The following AKAP7 variants were observed in gnomAD, a reference collection of about 807,000 sequenced individuals.
AKAP7 encodes the protein A-kinase anchoring protein 7, also known as A kinase (PRKA) anchor protein 7.
A neutral mutation model predicts 39.5 loss-of-function variants in AKAP7; 39 were observed. That is an observed-to-expected ratio of 0.99 (90% CI 0.76 to 1.29). The LOEUF is 1.29. Among genes scored for constraint, AKAP7 ranks in the 50% most tolerant of loss-of-function variants. AKAP7 has a pLI of 0.00. For synonymous variants in AKAP7, 140 were observed against 139.1 expected (o/e 1.01, Z -0.05); for missense variants, 414 against 407.7 (o/e 1.02, Z -0.13).
chr6:131,179,891 AT>A (rs1318713884), intron 5 of AKAP7, among the ~76,000 whole-genome samples: 1 of 151,630 alleles, frequency 6.6e-6, no homozygotes, highest in Non-Finnish European at 1.5e-5. Flanking sequence ...AAATAAATAA[AT>A]AAATAATAAA....
intron 7 of AKAP7, among the ~76,000 whole-genome samples, chr6:131,269,119 G>A (rs781114421): frequency 3.3e-5 from 5 of 152,048 alleles, no homozygotes; most frequent in African/African-American, 1.2e-4. Flanking sequence ...CTGGAGTATC[G>A]TGGCCTGATC....
At chr6:131,180,819 T>A (rs1020442554) in intron 5 of AKAP7, among the ~76,000 whole-genome samples, 1 of 131,758 alleles carries the variant, frequency 7.6e-6, no homozygotes, top group Non-Finnish European at 1.6e-5. Flanking sequence ...ACCACTTTCT[T>A]TTTTTGTTTG....
intron 7 of AKAP7, among the ~76,000 whole-genome samples, chr6:131,253,937 C>T (rs1027003208): frequency 2.0e-5 from 3 of 152,002 alleles, no homozygotes; most frequent in Admixed American, 1.3e-4. Flanking sequence ...CAGTAAACAT[C>T]GGGGTGCAGG....
intron 2 of AKAP7, among the ~76,000 whole-genome samples, chr6:131,153,406 A>G (rs637024): frequency 0.29 from 44,853 of 152,134 alleles, 7,469 homozygotes; most frequent in African/African-American, 0.43. Flanking sequence ...ATAAATTTAG[A>G]CAAACCATGT....
chr6:131,241,637 A>ATATATATATATATGTGTGTGTGTGTG (rs1554217972), intron 7 of AKAP7, among the ~76,000 whole-genome samples: 3 of 78,776 alleles, frequency 3.8e-5, no homozygotes, highest in Non-Finnish European at 6.1e-5. Context: ...GTATATATAT[A>ATATATATATATATGTGTGTGTGTGTG]TGACAGTTAT....
intron 6 of AKAP7, among the ~76,000 whole-genome samples, chr6:131,218,711 T>C (rs112909512): frequency 0.023 from 3,561 of 152,270 alleles, 77 homozygotes; most frequent in Middle Eastern, 0.041. Flanking sequence ...ACCAAGGGCA[T>C]CCCACTGTAA....
upstream of AKAP7, among the ~76,000 whole-genome samples, chr6:131,131,773 T>C (rs1202249852): frequency 6.6e-6 from 1 of 152,178 alleles, no homozygotes; most frequent in African/African-American, 2.4e-5. Flanking sequence ...CAGGGACTGT[T>C]CCCCAAAGGA....
chr6:131,238,208 G>T (rs1350799487), intron 7 of AKAP7, among the ~76,000 whole-genome samples: 1 of 152,158 alleles, frequency 6.6e-6, no homozygotes, highest in African/African-American at 2.4e-5. Flanking sequence ...CCATGTGGTT[G>T]AACGGTTTTG....
At chr6:131,206,936 C>T (rs1412285180) in intron 6 of AKAP7, among the ~76,000 whole-genome samples, 2 of 152,126 alleles carry the variant, frequency 1.3e-5, no homozygotes, top group African/African-American at 4.8e-5. Flanking sequence ...TAAGACTATT[C>T]CTTCTTAAAG....
chr6:131,172,992 G>T (rs1474349566), intron 5 of AKAP7, among the ~76,000 whole-genome samples: 1 of 151,824 alleles, frequency 6.6e-6, no homozygotes, highest in Non-Finnish European at 1.5e-5. Context: ...GTCAGGAGTG[G>T]CCAGTACTGG....
intron 7 of AKAP7, among the ~76,000 whole-genome samples, chr6:131,262,310 G>C (rs1298873937): frequency 6.6e-6 from 1 of 152,148 alleles, no homozygotes; most frequent in African/African-American, 2.4e-5. Context: ...AGATCCAGCG[G>C]GCAAAGGAGA....
intron 6 of AKAP7, among the ~76,000 whole-genome samples, chr6:131,208,310 C>T (rs577213821): frequency 6.6e-6 from 1 of 152,176 alleles, no homozygotes; most frequent in South Asian, 2.1e-4. Flanking sequence ...AAAGGTAAAC[C>T]TGCTTAACAT....
intron 5 of AKAP7, among the ~76,000 whole-genome samples, chr6:131,191,816 A>C (rs926512706): frequency 3.3e-5 from 5 of 149,852 alleles, no homozygotes; most frequent in African/African-American, 1.2e-4. Context: ...ATGGCCTTTC[A>C]GCCTGCCTGG....
Position 131,160,049 on chromosome 6 carries a change from T to C in AKAP7, c.152-10T>C, listed in dbSNP as rs1245002535. On this transcript the variant is annotated splice_polypyrimidine_tract_variant and intron_variant, in intron 2 of 7. Transcript: ENST00000431975. ...TGTATTAGACGTATTGTTTGACTTT[T>C]TTCCTCTAGTCACTGATGAACCTCA... 1 of 1,571,404 alleles carries C rather than the reference T, an allele frequency of 6.4e-7. No homozygotes were observed. The highest frequency in any genetic ancestry group is 2.3e-5 in the East Asian group (1 of 44,286).
At chr6:131,224,755 T>G in intron 7 of AKAP7, among the ~76,000 whole-genome samples, 1 of 140,274 alleles carries the variant, frequency 7.1e-6, no homozygotes, top group Non-Finnish European at 1.5e-5. Context: ...TTTTTTTTTT[T>G]TTTTGAGACA....
chr6:131,183,641 C>T (rs553204466), intron 5 of AKAP7, among the ~76,000 whole-genome samples: 3 of 152,128 alleles, frequency 2.0e-5, no homozygotes, highest in Admixed American at 6.5e-5. Flanking sequence ...CACTGGAGCC[C>T]GCCCATGAGA....
intron 5 of AKAP7, among the ~76,000 whole-genome samples, chr6:131,173,859 T>C (rs751643877): frequency 6.6e-6 from 1 of 152,208 alleles, no homozygotes; most frequent in Non-Finnish European, 1.5e-5. Flanking sequence ...TTTAAATAAT[T>C]CACTGGGTGC....
intron 7 of AKAP7, among the ~76,000 whole-genome samples, chr6:131,269,306 G>T (rs1303927452): frequency 2.0e-5 from 3 of 152,112 alleles, no homozygotes; most frequent in Non-Finnish European, 4.4e-5. Context: ...CAGGTGATCC[G>T]CCAAGTGCTG....
chr6:131,252,923 C>A, intron 7 of AKAP7: 1 of 1,006,838 alleles, frequency 9.9e-7, no homozygotes, highest in African/African-American at 1.6e-5. Context: ...TCTTCTAATT[C>A]TGTAACAGGC....
Sources: gnomAD v4.1 joint callset for allele counts (sites outside exome capture counted in the v4.1 genomes callset) on GRCh38, gnomAD v4.1.1 for gene constraint, MANE v1.5 for transcripts, NCBI Gene and HGNC (gene_info 2026-07-23, HGNC 2026-07-21) for gene names.